GATAD2B: variants seen among roughly 807,000 people sequenced by gnomAD.
GATAD2B encodes transcriptional repressor p66-beta.
In GATAD2B, 8 loss-of-function variants were observed where a neutral mutation model predicts 64.3. The ratio of observed to expected loss-of-function variants is 0.12; its 90% CI spans 0.07 to 0.22. The LOEUF (loss-of-function observed/expected upper bound fraction) is 0.22, where lower values mean the gene tolerates loss of function less well. Among genes scored for constraint, GATAD2B ranks in the 10% least tolerant of loss-of-function variants. The probability of loss-of-function intolerance (pLI) is 1.00; values close to 1 mark genes in which losing one functional copy is unlikely to be tolerated. For synonymous variants in GATAD2B, 281 were observed against 271.3 expected (o/e 1.04, Z -0.35); for missense variants, 453 against 752.0 (o/e 0.60, Z 4.65).
At position 153,839,131 on chromosome 1, in the gene GATAD2B, A is replaced by G. The variant is rs867801992; in HGVS notation, c.-1-10783T>C. ...CTCAAAAAAAAAAAAAAAAAAAAAA[A>G]AAAGAAAGTTTAAGGAAGAGAGTAG... On this transcript the variant is annotated intron_variant, in intron 1 of 10. Transcript: ENST00000368655. 2.0e-3 allele frequency among the ~76,000 whole-genome samples: 299 copies of G among 148,046 alleles called. 2 individuals carry two copies. Among genetic ancestry groups the G allele is most frequent in the South Asian group, 4.6e-3 (21 of 4,606 alleles).
At chr1:153,850,603 T>G (rs904823708) in intron 1 of GATAD2B, among the ~76,000 whole-genome samples, 3 of 151,888 alleles carry the variant, frequency 2.0e-5, no homozygotes, top group Middle Eastern at 3.4e-3. Context: ...CTCAGCCTAA[T>G]AAGCCCATAC....
chr1:153,891,793 T>G (rs1198659256), intron 1 of GATAD2B, among the ~76,000 whole-genome samples: 1 of 151,516 alleles, frequency 6.6e-6, no homozygotes, highest in African/African-American at 2.4e-5. Context: ...ATCCAAAAAC[T>G]GACTAAAATT....
intron 1 of GATAD2B, among the ~76,000 whole-genome samples, chr1:153,829,974 T>A (rs959263068): frequency 2.4e-4 from 37 of 151,782 alleles, no homozygotes; most frequent in Admixed American, 1.2e-3. Flanking sequence ...AGCTTTCATG[T>A]AGTCCCAGCT....
intron 1 of GATAD2B, among the ~76,000 whole-genome samples, chr1:153,832,050 A>G (rs528949442): frequency 1.3e-5 from 2 of 152,330 alleles, no homozygotes; most frequent in Non-Finnish European, 2.9e-5. Context: ...CCCCGTCTCT[A>G]CTAAAAATAC....
In GATAD2B at chr1:153,857,501, G is replaced by A. The variant is rs117962507; in HGVS notation, c.-1-29153C>T. On this transcript the variant is annotated intron_variant, in intron 1 of 10. Coordinates refer to ENST00000368655, the MANE Select transcript of GATAD2B (RefSeq NM_020699.4). The stretch of plus-strand genomic sequence containing the variant: ...ATATAGTGTCCCTTCATAGAAAACG[G>A]ATGCCCTTTTCTACTGTAGGCACTA... Among the ~76,000 whole-genome samples the A allele has an allele frequency of 3.5e-4, 53 of 152,094 alleles. No homozygotes were observed. In the East Asian group the frequency reaches 9.1e-3, roughly 26 times the overall value.
chr1:153,868,102 GAGGC>G, intron 1 of GATAD2B, among the ~76,000 whole-genome samples: 1 of 152,168 alleles, frequency 6.6e-6, no homozygotes, highest in Admixed American at 6.5e-5. Context: ...TCAGGAGGCT[GAGGC>G]AGAAGAACTG....
At chr1:153,887,411 C>T (rs1677217411) in intron 1 of GATAD2B, among the ~76,000 whole-genome samples, 1 of 152,110 alleles carries the variant, frequency 6.6e-6, no homozygotes, top group Non-Finnish European at 1.5e-5. Context: ...GATTGATTGA[C>T]AAGTGAAGTA....
chr1:153,855,606 CAG>C (rs1456698084), intron 1 of GATAD2B, among the ~76,000 whole-genome samples: 1 of 152,172 alleles, frequency 6.6e-6, no homozygotes, highest in African/African-American at 2.4e-5. Context: ...ACCTTTCATT[CAG>C]AAAGTCATTA....
intron 1 of GATAD2B, among the ~76,000 whole-genome samples, chr1:153,897,033 C>CTT (rs764620884): frequency 0.26 from 36,553 of 142,374 alleles, 5,215 homozygotes; most frequent in Admixed American, 0.37. Context: ...TCTTAGAACA[C>CTT]TTTTTTTTTT....
intron 1 of GATAD2B, among the ~76,000 whole-genome samples, chr1:153,875,911 G>A (rs919886673): frequency 7.9e-5 from 12 of 151,970 alleles, no homozygotes; most frequent in African/African-American, 2.4e-4. Context: ...AAGAAAAACA[G>A]ATAAACTGAG....
intron 1 of GATAD2B, among the ~76,000 whole-genome samples, chr1:153,870,632 CTGT>C (rs1285185788): frequency 4.6e-5 from 7 of 152,038 alleles, no homozygotes; most frequent in Non-Finnish European, 7.4e-5. Flanking sequence ...CATCAAAATG[CTGT>C]CAAATGCAGT....
intron 1 of GATAD2B, among the ~76,000 whole-genome samples, chr1:153,831,174 G>C (rs1675067304): frequency 6.6e-6 from 1 of 152,172 alleles, no homozygotes; most frequent in Non-Finnish European, 1.5e-5. Context: ...ATGAGTTCAT[G>C]TCCTTTGCAG....
At chr1:153,867,805 A>C (rs1676529014) in intron 1 of GATAD2B, among the ~76,000 whole-genome samples, 1 of 151,746 alleles carries the variant, frequency 6.6e-6, no homozygotes, top group Admixed American at 6.6e-5. Context: ...GGTTGCAGTG[A>C]GCCAACACGG....
chr1:153,841,628 A>G (rs1675499053), intron 1 of GATAD2B, among the ~76,000 whole-genome samples: 1 of 152,136 alleles, frequency 6.6e-6, no homozygotes, highest in African/African-American at 2.4e-5. Context: ...AAGTACCAAC[A>G]GTTTATTCCT....
At position 153,816,243 on chromosome 1, in the gene GATAD2B, A is replaced by T; in HGVS notation, c.1216+30T>A. 3 of 1,497,358 alleles carry T rather than the reference A, an allele frequency of 2.0e-6. No individual in the cohort carries two copies. Among genetic ancestry groups the T allele is most frequent in the Non-Finnish European group, 2.8e-6 (3 of 1,077,738 alleles). The allele number at this position is 1,497,358 out of a possible 1,614,324, so 92.8% of individuals were successfully genotyped here. ...AATCAGGCTTGGCAACCACTTGCTT[A>T]AATAGATTGATTAGAAGAAACAGCC... On this transcript the variant is annotated intron_variant, in intron 7 of 10. Transcript: ENST00000368655. The surrounding 1 kb of genome is among the most constrained non-coding windows in gnomAD (Gnocchi z 4.9).
At chr1:153,905,631 G>C (rs1344298380) in intron 1 of GATAD2B, among the ~76,000 whole-genome samples, 2 of 150,134 alleles carry the variant, frequency 1.3e-5, no homozygotes, top group East Asian at 3.9e-4. Flanking sequence ...CGTAACTACA[G>C]TAATCAAAAC....
chr1:153,908,714 C>T (rs534838897), intron 1 of GATAD2B, among the ~76,000 whole-genome samples: 13 of 150,748 alleles, frequency 8.6e-5, no homozygotes, highest in Non-Finnish European at 1.3e-4. Context: ...GTGATCCGCC[C>T]GCCTGGCCCT....
At chr1:153,821,265 T>C (rs1233029536) in intron 2 of GATAD2B, among the ~76,000 whole-genome samples, 1 of 151,964 alleles carries the variant, frequency 6.6e-6, no homozygotes, top group Non-Finnish European at 1.5e-5. Context: ...ATTACAGGTG[T>C]GAGCCACCAT....
Position 153,885,309 on chromosome 1 carries a change from A to G in GATAD2B, c.-2+37424T>C, listed in dbSNP as rs147930750. 1.9e-3 allele frequency among the ~76,000 whole-genome samples: 286 copies of G among 152,272 alleles called. 3 individuals are homozygous for G. Among genetic ancestry groups the G allele is most frequent in the African/African-American group, 6.5e-3 (270 of 41,514 alleles). ...CCAAATATGATGGAAGTAAAAACAC[A>G]TAAAGTCTCTGACAGACATGTATGA... On this transcript the variant is annotated intron_variant, in intron 1 of 10. Transcript: ENST00000368655.
Sources: allele counts gnomAD v4.1 joint callset (sites outside exome capture counted in the v4.1 genomes callset), GRCh38; gene constraint gnomAD v4.1.1; non-coding constraint Gnocchi (gnomAD v3.1); transcripts MANE v1.5; gene names NCBI Gene and HGNC (gene_info 2026-07-23, HGNC 2026-07-21).